The following KCNU1 variants were observed in gnomAD, a reference collection of about 807,000 sequenced individuals.
KCNU1 encodes potassium channel subfamily U member 1.
Under a neutral mutation model 126.8 loss-of-function variants are expected in KCNU1, and 93 were observed. That is an observed-to-expected ratio of 0.73 (90% CI 0.62 to 0.87). The LOEUF (loss-of-function observed/expected upper bound fraction) is 0.87, where lower values mean the gene tolerates loss of function less well. Ranked by LOEUF, KCNU1 falls within the 40% of genes least tolerant of loss-of-function variation. The pLI is 0.00. For missense variants in KCNU1, 1,330 were observed against 1,367.1 expected (o/e 0.97, Z 0.43); for synonymous variants, 523 against 494.2 (o/e 1.06, Z -0.77).
intron 19 of KCNU1, among the ~76,000 whole-genome samples, chr8:36,891,549 ACT>A (rs1806963610): frequency 6.6e-6 from 1 of 151,630 alleles, no homozygotes; most frequent in African/African-American, 2.4e-5. Flanking sequence ...TTTTACTGAC[ACT>A]CTGTTTCTTA....
chr8:36,834,102 G>C (rs1156783692), intron 11 of KCNU1, among the ~76,000 whole-genome samples: 22 of 152,114 alleles, frequency 1.4e-4, no homozygotes, highest in Non-Finnish European at 2.4e-4. Context: ...GAAAATAGTA[G>C]AAATCTCATT....
At chr8:36,791,789 G>GAAA (rs1802912329) in intron 2 of KCNU1, among the ~76,000 whole-genome samples, 1 of 152,082 alleles carries the variant, frequency 6.6e-6, no homozygotes, top group Non-Finnish European at 1.5e-5. Context: ...AAACATATTG[G>GAAA]AAAAGATCAG....
chr8:36,846,381 C>T (rs181045058), intron 18 of KCNU1, among the ~76,000 whole-genome samples: 3 of 152,260 alleles, frequency 2.0e-5, no homozygotes, highest in Admixed American at 6.5e-5. Context: ...GACATGGTGC[C>T]GAGGGAATGT....
chr8:36,808,875 C>A, intron 7 of KCNU1, 82 bp downstream of exon 7: 4 of 946,052 alleles, frequency 4.2e-6, no homozygotes, highest in Non-Finnish European at 5.0e-6. Flanking sequence ...ACCTGCTGAG[C>A]CCCTGTCTCC....
chr8:36,811,824 TG>T (rs1803728165), intron 7 of KCNU1, among the ~76,000 whole-genome samples: 1 of 151,806 alleles, frequency 6.6e-6, no homozygotes, highest in South Asian at 2.1e-4. Context: ...CCCAGCTACT[TG>T]GGAGGCTGAG....
intron 2 of KCNU1, among the ~76,000 whole-genome samples, chr8:36,794,872 G>A (rs1311694213): frequency 1.3e-5 from 2 of 152,078 alleles, no homozygotes; most frequent in Non-Finnish European, 2.9e-5. Context: ...GAGGCTGCAG[G>A]GAGCTGAGAT....
intron 22 of KCNU1, among the ~76,000 whole-genome samples, chr8:36,914,502 A>G (rs898165940): frequency 1.3e-5 from 2 of 152,182 alleles, no homozygotes; most frequent in Non-Finnish European, 2.9e-5. Context: ...GCTTTTCCAC[A>G]TCTTTGTAGT....
chr8:36,824,845 A>G (rs1804257450), intron 10 of KCNU1, among the ~76,000 whole-genome samples: 1 of 152,160 alleles, frequency 6.6e-6, no homozygotes, highest in Non-Finnish European at 1.5e-5. Context: ...TGCTGTGTAG[A>G]CAATATTCTA....
chr8:36,923,794 C>A (rs1278563636), intron 24 of KCNU1, among the ~76,000 whole-genome samples: 2 of 152,154 alleles, frequency 1.3e-5, no homozygotes, highest in African/African-American at 4.8e-5. Context: ...TAAAACTTTT[C>A]TAAATAGGTA....
chr8:36,796,322 G>T (rs568107232), intron 2 of KCNU1, among the ~76,000 whole-genome samples: 1 of 152,214 alleles, frequency 6.6e-6, no homozygotes, highest in South Asian at 2.1e-4. Context: ...CCTAGTACAT[G>T]ATCAATTTTT....
Position 36,808,377 on chromosome 8 carries a change from T to C in KCNU1, c.657-341T>C, listed in dbSNP as rs1179033253. On this transcript the variant is annotated intron_variant, in intron 6 of 26. Transcript: ENST00000399881. ...ATTATTATATCGGACAATATAACAATCTCTATGATCCACATGTAGATATTT... is the reference window on the plus strand; with the variant it reads ...ATTATTATATCGGACAATATAACAACCTCTATGATCCACATGTAGATATTT... 2.0e-5 allele frequency among the ~76,000 whole-genome samples: 3 copies of C among 152,118 alleles called. No homozygotes were observed. The East Asian group carries it at 5.8e-4, about 29-fold the overall frequency.
At chr8:36,934,436 G>A (rs970527306) in intron 26 of KCNU1, among the ~76,000 whole-genome samples, 20 of 151,994 alleles carry the variant, frequency 1.3e-4, no homozygotes, top group Admixed American at 1.1e-3. Flanking sequence ...GAGGAGTGAT[G>A]TTCTGGAAAT....
Position 36,815,706 on chromosome 8 carries a change from A to G in KCNU1, c.995+19A>G. 1.5e-6 allele frequency: 2 copies of G among 1,368,110 alleles called. No homozygotes were observed. Among genetic ancestry groups the G allele is most frequent in the Middle Eastern group, 3.9e-4 (2 of 5,092 alleles). 84.7% of individuals were successfully genotyped at this position (1,368,110 alleles called of 1,614,324 possible). A position where few individuals can be genotyped will look rare whatever the true frequency, so the allele number is the denominator to read the frequency against. On this transcript the variant is annotated intron_variant, in intron 9 of 26. Coordinates refer to ENST00000399881, the MANE Select transcript of KCNU1 (RefSeq NM_001031836.3). ...GAAAGAAGTAAGTAGTGTTTTAAGT[A>G]TAATTTCTACAGTTTAAGAAATTCT... is the stretch of plus-strand genomic sequence containing the variant.
chr8:36,827,647 T>C (rs983493365), intron 10 of KCNU1, among the ~76,000 whole-genome samples: 6 of 152,190 alleles, frequency 3.9e-5, no homozygotes, highest in East Asian at 1.9e-4. Context: ...TTTATTATTC[T>C]TGAAAGTAGA....
chr8:36,823,996 C>A (rs970282035), intron 10 of KCNU1, among the ~76,000 whole-genome samples: 4 of 152,068 alleles, frequency 2.6e-5, no homozygotes, highest in African/African-American at 9.7e-5. Context: ...CACCACCACA[C>A]CCAACTAATT....
chr8:36,935,751 C>T lies in KCNU1; in HGVS notation c.3281C>T (p.Pro1094Leu), dbSNP rs202135812. ...TATTCACCAGTCTATTCTTACCAGC[C>T]GAGAACTAACTCCCTCTCTTTTCCT... ...TLYSPVYSYQ[P>L]RTNSLSFPKQ... The change falls in exon 27 of 27, where the codon CCG becomes CTG. Residue 1094 changes from proline to leucine, a missense_variant. Coordinates refer to ENST00000399881, the MANE Select transcript of KCNU1 (RefSeq NM_001031836.3). The T allele has an allele frequency of 5.8e-4, 937 of 1,613,360 alleles. 2 individuals are homozygous for T. Among genetic ancestry groups the T allele is most frequent in the Non-Finnish European group, 6.8e-4 (802 of 1,179,488 alleles).
chr8:36,888,363 A>T, intron 19 of KCNU1: 1 of 354,270 alleles, frequency 2.8e-6, no homozygotes, highest in South Asian at 2.2e-5. Context: ...TGTGAAAAGG[A>T]GAGTAGCTTT....
At chr8:36,855,071 C>T (rs1241495296) in intron 18 of KCNU1, among the ~76,000 whole-genome samples, 1 of 152,064 alleles carries the variant, frequency 6.6e-6, no homozygotes, top group Non-Finnish European at 1.5e-5. Flanking sequence ...GTTTAGCCTT[C>T]ATTTTCTGCT....
chr8:36,864,774 A>T (rs1805848777), intron 19 of KCNU1, among the ~76,000 whole-genome samples: 1 of 152,006 alleles, frequency 6.6e-6, no homozygotes, highest in African/African-American at 2.4e-5. Flanking sequence ...CTTTCACACC[A>T]CCTTTCAGGC....
Sources: gnomAD v4.1 joint callset for allele counts (sites outside exome capture counted in the v4.1 genomes callset) on GRCh38, gnomAD v4.1.1 for gene constraint, MANE v1.5 for transcripts, NCBI Gene and HGNC (gene_info 2026-07-23, HGNC 2026-07-21) for gene names.